The following FAM13A variants were observed in gnomAD, a reference collection of about 807,000 sequenced individuals.
FAM13A encodes the protein family with sequence similarity 13 member A.
Under a neutral mutation model 129.6 loss-of-function variants are expected in FAM13A, and 76 were observed. That is an observed-to-expected ratio of 0.59 (90% confidence interval 0.49 to 0.71). FAM13A has a LOEUF of 0.71. FAM13A is among the 30% of genes least tolerant of loss of function. The probability of loss-of-function intolerance (pLI) is 0.00; values close to 1 mark genes in which losing one functional copy is unlikely to be tolerated. For synonymous variants in FAM13A, 443 were observed against 449.9 expected, an observed-to-expected ratio of 0.98 and a Z score of 0.20; for missense variants, 1,108 against 1,249.3, an observed-to-expected ratio of 0.89 and a Z score of 1.70.
At chr4:88,912,383 C>T (rs955174776) in intron 5 of FAM13A, among the ~76,000 whole-genome samples, 2 of 152,088 alleles carry the variant, frequency 1.3e-5, no homozygotes, top group Non-Finnish European at 2.9e-5. Context: ...GTTCTGCAGC[C>T]TTTGGACTTT....
chr4:89,032,175 G>A (rs1195650041), intron 1 of FAM13A, among the ~76,000 whole-genome samples: 2 of 152,040 alleles, frequency 1.3e-5, no homozygotes, highest in Non-Finnish European at 2.9e-5. Flanking sequence ...AACCTGGGAG[G>A]CGGAGCTTGC....
chr4:88,772,405 T>C (rs1720851049), intron 11 of FAM13A, among the ~76,000 whole-genome samples: 1 of 152,216 alleles, frequency 6.6e-6, no homozygotes, highest in Non-Finnish European at 1.5e-5. Flanking sequence ...AAACCCATGC[T>C]ACACTTTTTC....
chr4:88,827,457 A>G (rs909636870), intron 7 of FAM13A, among the ~76,000 whole-genome samples: 1 of 152,218 alleles, frequency 6.6e-6, no homozygotes, highest in African/African-American at 2.4e-5. Context: ...GGAATAAATG[A>G]GGCCATGCAT....
intron 3 of FAM13A, among the ~76,000 whole-genome samples, chr4:89,000,866 A>T (rs1418208180): frequency 1.3e-5 from 2 of 152,238 alleles, no homozygotes; most frequent in African/African-American, 2.4e-5. Flanking sequence ...CAATTTTTTT[A>T]AAAGAATAAG....
chr4:88,845,269 T>C (rs1224127149), intron 7 of FAM13A, among the ~76,000 whole-genome samples: 2 of 151,558 alleles, frequency 1.3e-5, no homozygotes, highest in Admixed American at 6.6e-5. Flanking sequence ...CAGAACAAAG[T>C]TGAGAGGGAA....
intron 7 of FAM13A, among the ~76,000 whole-genome samples, chr4:88,847,891 T>C (rs1736937946): frequency 6.6e-6 from 1 of 151,530 alleles, no homozygotes; most frequent in Admixed American, 6.6e-5. Context: ...GAGCGGAGAT[T>C]GCAGTGAGCA....
intron 14 of FAM13A, among the ~76,000 whole-genome samples, chr4:88,751,753 T>G (rs1268364388): frequency 6.6e-6 from 1 of 152,180 alleles, no homozygotes; most frequent in Non-Finnish European, 1.5e-5. Context: ...TCTAAAAGAT[T>G]TAAAAAATAG....
intron 4 of FAM13A, among the ~76,000 whole-genome samples, chr4:88,982,878 A>G (rs1413662034): frequency 8.5e-5 from 13 of 152,110 alleles, no homozygotes; most frequent in African/African-American, 3.1e-4. Flanking sequence ...TATCCACCCA[A>G]TCTCACTCAA....
At chr4:88,825,388 T>G (rs2149854563) in intron 7 of FAM13A, among the ~76,000 whole-genome samples, 1 of 152,142 alleles carries the variant, frequency 6.6e-6, no homozygotes, top group Non-Finnish European at 1.5e-5. Context: ...CCCTAATTTT[T>G]GTATTTTTAG....
intron 1 of FAM13A, among the ~76,000 whole-genome samples, chr4:89,030,900 A>G (rs1002939180): frequency 6.6e-6 from 1 of 152,180 alleles, no homozygotes; most frequent in African/African-American, 2.4e-5. Flanking sequence ...AAATTGTGTA[A>G]TCTACAGAAT....
intron 8 of FAM13A, among the ~76,000 whole-genome samples, chr4:88,799,765 G>A (rs188413542): frequency 1.3e-5 from 2 of 152,206 alleles, no homozygotes; most frequent in African/African-American, 4.8e-5. Flanking sequence ...TTACAGGCGT[G>A]AGCCACTGTG....
intron 3 of FAM13A, among the ~76,000 whole-genome samples, chr4:88,992,514 C>T (rs760353624): frequency 3.5e-4 from 53 of 152,138 alleles, no homozygotes; most frequent in African/African-American, 7.9e-4. Flanking sequence ...GAATTACAGG[C>T]GTGACCCACC....
rs186862605 is a variant in FAM13A at position 88,728,560 on chromosome 4, C to T, written c.3045G>A (p.Lys1015=). 8.7e-5 allele frequency: 141 copies of T among 1,614,184 alleles called. No individual in the cohort carries two copies. The Middle Eastern group carries it at 1.7e-3, about 19-fold the overall frequency. The change falls in exon 24 of 24, where the codon AAG becomes AAA. Residue 1015 remains lysine, a synonymous_variant. Coordinates refer to ENST00000264344, the MANE Select transcript of FAM13A (RefSeq NM_014883.4). ...KLRLLEVLIS[K]RDTDSKSM is the part of the protein sequence containing the mutation. ...ACATGGACTTGGAATCAGTGTCTCT[C>T]TTGCTGATGAGCACCTCCAGGAGCC...
chr4:88,915,763 G>C (rs1750014593), intron 5 of FAM13A, among the ~76,000 whole-genome samples: 1 of 152,178 alleles, frequency 6.6e-6, no homozygotes, highest in Admixed American at 6.5e-5. Flanking sequence ...CCTTTAAGCA[G>C]TGATTGGGTT....
At chr4:88,740,661 C>G (rs1740056226) in intron 19 of FAM13A, among the ~76,000 whole-genome samples, 1 of 152,114 alleles carries the variant, frequency 6.6e-6, no homozygotes, top group Non-Finnish European at 1.5e-5. Context: ...GTTTTTTGAG[C>G]CTTCAACTTT....
chr4:88,972,576 C>T (rs1407023158), intron 4 of FAM13A, among the ~76,000 whole-genome samples: 1 of 152,016 alleles, frequency 6.6e-6, no homozygotes, highest in Non-Finnish European at 1.5e-5. Flanking sequence ...GCTAGGATTA[C>T]AGGTGTGAGC....
chr4:88,968,677 C>T (rs1759667888), intron 4 of FAM13A, among the ~76,000 whole-genome samples: 1 of 151,966 alleles, frequency 6.6e-6, no homozygotes, highest in Admixed American at 6.5e-5. Context: ...TCCCACCCCA[C>T]TTTCTTCCTT....
At chr4:88,768,232 G>C in intron 11 of FAM13A, 173 bp from the exon 12 acceptor site, 2 of 490,742 alleles carry the variant, frequency 4.1e-6, no homozygotes, top group East Asian at 6.3e-5. Flanking sequence ...ATTATATCCT[G>C]CTTGCATAGA....
intron 10 of FAM13A, 150 bp downstream of exon 10, chr4:88,787,603 T>C (rs1724224315): frequency 9.2e-6 from 6 of 652,908 alleles, no homozygotes; most frequent in Non-Finnish European, 1.5e-5. Context: ...AAGTTTAGAA[T>C]GGACAAACTG....
Sources: gnomAD v4.1 joint callset for allele counts (sites outside exome capture counted in the v4.1 genomes callset) on GRCh38, gnomAD v4.1.1 for gene constraint, MANE v1.5 for transcripts, NCBI Gene and HGNC (gene_info 2026-07-23, HGNC 2026-07-21) for gene names.